Variants in REDIC1 observed in about 807,000 individuals in gnomAD.
REDIC1 encodes the protein regulator of DNA class I crossover intermediates 1, also known as HEI10 Interacting Protein 1.
At chr12:39,751,353 C>T in the REDIC1 span, among the ~76,000 whole-genome samples, 7 of 152,150 alleles carry the variant, frequency 4.6e-5, no homozygotes, top group Non-Finnish European at 8.8e-5. Context: ...CAATGAGATA[C>T]CATCTCACAC....
the REDIC1 span, among the ~76,000 whole-genome samples, chr12:39,779,935 C>T: frequency 1.3e-5 from 2 of 152,174 alleles, no homozygotes; most frequent in East Asian, 1.9e-4. Context: ...TGTGGGCTAT[C>T]GTGATGCAAA....
the REDIC1 span, among the ~76,000 whole-genome samples, chr12:39,661,712 C>A: frequency 6.6e-6 from 1 of 151,950 alleles, no homozygotes; most frequent in South Asian, 2.1e-4. Flanking sequence ...AAGTCTAAGT[C>A]ATAAAATCTT....
the REDIC1 span, among the ~76,000 whole-genome samples, chr12:39,744,783 A>G: frequency 1.8e-4 from 27 of 152,362 alleles, no homozygotes; most frequent in African/African-American, 6.0e-4. Context: ...AAAAGGTGGA[A>G]GACAATAATT....
At chr12:39,702,395 A>G in the REDIC1 span, among the ~76,000 whole-genome samples, 3 of 152,248 alleles carry the variant, frequency 2.0e-5, no homozygotes, top group African/African-American at 2.4e-5. Context: ...AAGAAGTTGA[A>G]TCCCTGAATA....
At chr12:39,740,499 T>G in the REDIC1 span, among the ~76,000 whole-genome samples, 4 of 152,174 alleles carry the variant, frequency 2.6e-5, no homozygotes, top group South Asian at 8.3e-4. Flanking sequence ...GTGCTGTAAA[T>G]TTTTAGTGTT....
At chr12:39,890,665 T>C in the REDIC1 span, among the ~76,000 whole-genome samples, 1 of 152,190 alleles carries the variant, frequency 6.6e-6, no homozygotes, top group African/African-American at 2.4e-5. Flanking sequence ...TGTATATATG[T>C]ATTGAAACAT....
chr12:39,702,654 T>A, the REDIC1 span, among the ~76,000 whole-genome samples: 5 of 152,108 alleles, frequency 3.3e-5, no homozygotes, highest in Non-Finnish European at 7.4e-5. Flanking sequence ...TAGACCAATA[T>A]CCTTGATGAA....
chr12:39,809,521 T>C, the REDIC1 span, among the ~76,000 whole-genome samples: 1 of 152,174 alleles, frequency 6.6e-6, no homozygotes, highest in African/African-American at 2.4e-5. Flanking sequence ...AAATTATTAT[T>C]ATACTTTAAG....
At chr12:39,804,048 A>C in the REDIC1 span, among the ~76,000 whole-genome samples, 1 of 152,164 alleles carries the variant, frequency 6.6e-6, no homozygotes, top group Non-Finnish European at 1.5e-5. Flanking sequence ...ACAAGAAATA[A>C]TGAAAAAAAC....
At chr12:39,745,485 A>G in the REDIC1 span, among the ~76,000 whole-genome samples, 1 of 152,212 alleles carries the variant, frequency 6.6e-6, no homozygotes, top group Non-Finnish European at 1.5e-5. Context: ...AATAGGGGTA[A>G]TAATAGTGTT....
At chr12:39,666,617 A>G in the REDIC1 span, among the ~76,000 whole-genome samples, 1 of 152,054 alleles carries the variant, frequency 6.6e-6, no homozygotes. Context: ...TTTTCTACTG[A>G]TTGGAATAGT....
At chr12:39,687,837 G>T in the REDIC1 span, among the ~76,000 whole-genome samples, 1 of 152,136 alleles carries the variant, frequency 6.6e-6, no homozygotes, top group Non-Finnish European at 1.5e-5. Context: ...ACAGTGCTAG[G>T]AAGTTTATGT....
chr12:39,860,551 T>C, the REDIC1 span, among the ~76,000 whole-genome samples: 1 of 152,166 alleles, frequency 6.6e-6, no homozygotes, highest in Non-Finnish European at 1.5e-5. Context: ...CCAGCTGATG[T>C]TGGTTCATGG....
chr12:39,815,720 T>C, the REDIC1 span, among the ~76,000 whole-genome samples: 2,142 of 152,268 alleles, frequency 0.014, 62 homozygotes, highest in African/African-American at 0.049. Context: ...TTTGAAGCAA[T>C]AGCTGAAAAG....
At chr12:39,892,985 ATTTT>A in the REDIC1 span, among the ~76,000 whole-genome samples, 1 of 152,172 alleles carries the variant, frequency 6.6e-6, no homozygotes, top group Non-Finnish European at 1.5e-5. Flanking sequence ...AATTTAAAAA[ATTTT>A]TTGATGTTAC....
At chr12:39,777,709 G>C in the REDIC1 span, among the ~76,000 whole-genome samples, 2 of 152,224 alleles carry the variant, frequency 1.3e-5, no homozygotes, top group African/African-American at 2.4e-5. Flanking sequence ...TGGCCGTCGA[G>C]AGGAACGCAC....
chr12:39,896,522 A>G, the REDIC1 span, among the ~76,000 whole-genome samples: 1 of 136,762 alleles, frequency 7.3e-6, no homozygotes, highest in Non-Finnish European at 1.6e-5. Context: ...GTGTGTATAC[A>G]TGTATACATG....
At chr12:39,889,765 C>CAG in the REDIC1 span, among the ~76,000 whole-genome samples, 1 of 151,964 alleles carries the variant, frequency 6.6e-6, no homozygotes, top group African/African-American at 2.4e-5. Context: ...TTCTTGACCT[C>CAG]GTGATCTGCC....
chr12:39,641,362 T>A, the REDIC1 span, among the ~76,000 whole-genome samples: 1 of 151,828 alleles, frequency 6.6e-6, no homozygotes, highest in Non-Finnish European at 1.5e-5. Flanking sequence ...CTGATTGCAT[T>A]CCATAGTAAG....
Sources: allele counts gnomAD v4.1 joint callset (sites outside exome capture counted in the v4.1 genomes callset), GRCh38; gene constraint gnomAD v4.1.1; transcripts MANE v1.5; gene names NCBI Gene and HGNC (gene_info 2026-07-23, HGNC 2026-07-21).